SLC1A3: variants seen among roughly 807,000 people sequenced by gnomAD.
SLC1A3 encodes excitatory amino acid transporter 1.
SLC1A3 carries 21 observed loss-of-function variants against 48.1 expected under a neutral mutation model. The observed-to-expected ratio is 0.44, with a 90% CI of 0.31 to 0.63. The LOEUF (loss-of-function observed/expected upper bound fraction) is 0.63. Ranked by LOEUF, SLC1A3 falls within the 20% of genes least tolerant of loss-of-function variation. SLC1A3 has a pLI of 0.08. For missense variants in SLC1A3, 546 were observed against 689.0 expected (o/e 0.79, Z 2.32); for synonymous variants, 239 against 251.4 (o/e 0.95, Z 0.47).
chr5:36,681,916 T>G (rs1742456989), intron 8 of SLC1A3, among the ~76,000 whole-genome samples: 1 of 152,210 alleles, frequency 6.6e-6, no homozygotes, highest in African/African-American at 2.4e-5. Flanking sequence ...TGAAATGCCC[T>G]ACATATAGGG....
chr5:36,614,779 T>C (rs1424927114), intron 2 of SLC1A3, among the ~76,000 whole-genome samples: 1 of 152,100 alleles, frequency 6.6e-6, no homozygotes, highest in Admixed American at 6.6e-5. Flanking sequence ...TAACTGCCAC[T>C]CTGGTCAGAG....
chr5:36,633,845 C>T (rs1415363741), intron 3 of SLC1A3, among the ~76,000 whole-genome samples: 3 of 152,204 alleles, frequency 2.0e-5, no homozygotes, highest in Non-Finnish European at 2.9e-5. Context: ...CCACAGCCTA[C>T]AATCATTACC....
upstream of SLC1A3, among the ~76,000 whole-genome samples, chr5:36,605,482 A>G (rs1738895544): frequency 6.6e-6 from 1 of 152,230 alleles, no homozygotes; most frequent in Non-Finnish European, 1.5e-5. Flanking sequence ...GTTGAGGGTG[A>G]AAGGAGATAT....
chr5:36,600,037 G>A (rs1389032754), intron 1 of SLC1A3, among the ~76,000 whole-genome samples: 3 of 152,024 alleles, frequency 2.0e-5, no homozygotes, highest in Admixed American at 1.3e-4. Context: ...CATGCTTTTC[G>A]TTTTTCCCCC....
At chr5:36,597,039 TTTG>T (rs1264893063) in intron 1 of SLC1A3, among the ~76,000 whole-genome samples, 1 of 152,108 alleles carries the variant, frequency 6.6e-6, no homozygotes, top group Non-Finnish European at 1.5e-5. Flanking sequence ...GTTGTTTTGT[TTTG>T]TTTTGCTTTG....
intron 3 of SLC1A3, chr5:36,668,504 C>T (rs1741852461): frequency 6.6e-6 from 1 of 152,132 alleles, no homozygotes; most frequent in Non-Finnish European, 1.5e-5. Flanking sequence ...TGTGGGACTT[C>T]GATCCTCCTT....
At chr5:36,681,571 A>G (rs1237838867) in intron 8 of SLC1A3, among the ~76,000 whole-genome samples, 1 of 152,158 alleles carries the variant, frequency 6.6e-6, no homozygotes, top group African/African-American at 2.4e-5. Flanking sequence ...TTCAGTGAAA[A>G]GTTATTTTCC....
intron 1 of SLC1A3, among the ~76,000 whole-genome samples, chr5:36,599,262 G>T (rs1040610152): frequency 1.3e-5 from 2 of 152,170 alleles, no homozygotes; most frequent in South Asian, 2.1e-4. Flanking sequence ...CTCTGAAAAT[G>T]GTTAGGACTG....
At chr5:36,653,521 T>G (rs1202701006) in intron 3 of SLC1A3, among the ~76,000 whole-genome samples, 1 of 152,228 alleles carries the variant, frequency 6.6e-6, no homozygotes, top group Non-Finnish European at 1.5e-5. Flanking sequence ...GCACTAAAAT[T>G]GCTCCTTCTT....
At chr5:36,678,262 G>GGAT (rs1742292487) in intron 6 of SLC1A3, among the ~76,000 whole-genome samples, 1 of 152,164 alleles carries the variant, frequency 6.6e-6, no homozygotes, top group Non-Finnish European at 1.5e-5. Flanking sequence ...TGTACAAGAT[G>GGAT]GATATGAACT....
At chr5:36,684,147 C>T (rs1271063613) in intron 9 of SLC1A3, 149 bp downstream of exon 9, 2 of 1,035,968 alleles carry the variant, frequency 1.9e-6, no homozygotes, top group Non-Finnish European at 2.9e-6. Context: ...TTGTCTGACC[C>T]CTGGTCCTTA....
rs947252034 is a variant in SLC1A3, at chr5:36,634,353, A to G, written c.319+4766A>G. ...AATGTTAACAAGGTGTTAAACACAC[A>G]TTAGTACCAAAATAAGACTTTGCCT... On this transcript the variant is annotated intron_variant, in intron 3 of 9. Transcript: ENST00000265113. Among the ~76,000 whole-genome samples, 12 of 152,154 alleles carry G rather than the reference A, an allele frequency of 7.9e-5. 1 individual carries two copies. Among genetic ancestry groups the G allele is most frequent in the African/African-American group, 2.9e-4 (12 of 41,480 alleles).
intron 3 of SLC1A3, among the ~76,000 whole-genome samples, chr5:36,653,629 G>A (rs1741172441): frequency 1.3e-5 from 2 of 152,110 alleles, no homozygotes; most frequent in Admixed American, 1.3e-4. Context: ...TCTCTCCTGG[G>A]CCCCTCACTT....
chr5:36,620,019 T>A (rs1372174967), intron 2 of SLC1A3, among the ~76,000 whole-genome samples: 6 of 152,072 alleles, frequency 3.9e-5, no homozygotes, highest in African/African-American at 9.7e-5. Flanking sequence ...CAGATTTTTT[T>A]AAAAAAGAAA....
chr5:36,672,892 G>A (rs190351662), intron 4 of SLC1A3, among the ~76,000 whole-genome samples: 1 of 152,288 alleles, frequency 6.6e-6, no homozygotes, highest in East Asian at 1.9e-4. Flanking sequence ...CCCTCAGATA[G>A]TTTAGATTAG....
At position 36,606,735 on chromosome 5, in the gene SLC1A3, G is replaced by A. The variant is rs1738955935; in HGVS notation, c.-96G>A. 1 of 152,222 alleles carries A rather than the reference G, an allele frequency of 6.6e-6. No homozygotes were observed. Among genetic ancestry groups the A allele is most frequent in the African/African-American group, 2.4e-5 (1 of 41,434 alleles). 9.4% of individuals were successfully genotyped at this position (152,222 alleles called of 1,614,324 possible). ...TTCCACCCCTTACAAAATCAGAAAA[G>A]GTAAGTGTCACATTCTGTGTTCCTG... On this transcript the variant is annotated splice_region_variant and 5_prime_UTR_variant, in exon 1 of 10. Coordinates refer to ENST00000265113, the MANE Select transcript of SLC1A3 (RefSeq NM_004172.5).
chr5:36,683,775 G>A, intron 8 of SLC1A3, 89 bp from the exon 9 acceptor site: 1 of 1,411,130 alleles, frequency 7.1e-7, no homozygotes, highest in Non-Finnish European at 1.0e-6. Flanking sequence ...GGCAAGTCAG[G>A]CATCGGCACC....
intron 8 of SLC1A3, 92 bp downstream of exon 8, chr5:36,680,681 G>A: frequency 9.3e-7 from 1 of 1,077,406 alleles, no homozygotes; most frequent in Non-Finnish European, 1.4e-6. Context: ...ACTTTGGGAG[G>A]CCAAGGCGGG....
chr5:36,646,234 C>T lies in SLC1A3; in HGVS notation c.319+16647C>T, dbSNP rs113176620. 1.7e-3 allele frequency among the ~76,000 whole-genome samples: 260 copies of T among 152,204 alleles called. 2 individuals are homozygous for T. The highest frequency in any genetic ancestry group is 5.9e-3 in the African/African-American group (243 of 41,538). ...AAGACAGGACAGATTATTGGTCTGA[C>T]GAAGGACAATCTGGAATTGTAAAGA... On this transcript the variant is annotated intron_variant, in intron 3 of 9. Coordinates refer to ENST00000265113, the MANE Select transcript of SLC1A3 (RefSeq NM_004172.5).
Sources: gnomAD v4.1 joint callset for allele counts (sites outside exome capture counted in the v4.1 genomes callset) on GRCh38, gnomAD v4.1.1 for gene constraint, MANE v1.5 for transcripts, NCBI Gene and HGNC (gene_info 2026-07-23, HGNC 2026-07-21) for gene names.